SHANK1: variants seen among roughly 807,000 people sequenced by gnomAD.
SHANK1 encodes the protein SH3 and multiple ankyrin repeat domains 1, also known as SH3 and multiple ankyrin repeat domains protein 1.
In SHANK1, 35 loss-of-function variants were observed where a neutral mutation model predicts 165.6. That is an observed-to-expected ratio of 0.21 (90% CI 0.16 to 0.28). The LOEUF (loss-of-function observed/expected upper bound fraction) is 0.28. Ranked by LOEUF, SHANK1 falls within the 10% of genes least tolerant of loss-of-function variation. The pLI is 1.00. For synonymous variants in SHANK1, 1,428 were observed against 1,384.8 expected (o/e 1.03, Z -0.69); for missense variants, 2,681 against 3,036.4 (o/e 0.88, Z 2.75).
chr19:50,701,434 C>T (rs1194626284), intron 12 of SHANK1, among the ~76,000 whole-genome samples: 1 of 151,242 alleles, frequency 6.6e-6, no homozygotes, highest in Admixed American at 6.6e-5. Context: ...CTCAGGTGAT[C>T]CACCCTCCTC....
intron 12 of SHANK1, among the ~76,000 whole-genome samples, chr19:50,698,739 A>G (rs1452803668): frequency 1.3e-5 from 2 of 152,236 alleles, no homozygotes; most frequent in Admixed American, 1.3e-4. Flanking sequence ...TTACAAGGCT[A>G]GTAACTGACA....
At position 50,662,779 on chromosome 19, in the gene SHANK1, A is replaced by G. The variant is rs1985316563; in HGVS notation, c.5769-97T>C. 3.0e-6 allele frequency: 4 copies of G among 1,338,026 alleles called. No homozygotes were observed. Among genetic ancestry groups the G allele is most frequent in the African/African-American group, 1.5e-5 (1 of 66,582 alleles). 82.9% of individuals were successfully genotyped at this position (1,338,026 alleles called of 1,614,324 possible). A position where few individuals can be genotyped will look rare whatever the true frequency, so the allele number is the denominator to read the frequency against. On this transcript the variant is annotated intron_variant, in intron 23 of 23. Coordinates refer to ENST00000293441, the MANE Select transcript of SHANK1 (RefSeq NM_016148.5). The surrounding 1 kb of genome is among the most constrained non-coding windows in gnomAD (Gnocchi z 7.7). ...AGAGGTCAAGATATAGGGAGAGAGG[A>G]GGAGAGACATAAGGGTAGGGGGAGA... is the stretch of plus-strand genomic sequence containing the variant.
At chr19:50,669,840 C>A (rs1985727525) in intron 22 of SHANK1, among the ~76,000 whole-genome samples, 1 of 151,902 alleles carries the variant, frequency 6.6e-6, no homozygotes, top group South Asian at 2.1e-4. Context: ...GTAAGACTCA[C>A]ACTGGTGGAC....
chr19:50,693,108 G>A (rs1420956303), intron 15 of SHANK1, among the ~76,000 whole-genome samples: 1 of 150,664 alleles, frequency 6.6e-6, no homozygotes, highest in Non-Finnish European at 1.5e-5. Context: ...CTGCCCCCTC[G>A]ACTCACTTCA....
chr19:50,702,478 T>C lies in SHANK1; in HGVS notation c.1736A>G (p.Glu579Gly). The C allele has an allele frequency of 6.2e-7, 1 of 1,611,802 alleles. No homozygotes were observed. Among genetic ancestry groups the C allele is most frequent in the Admixed American group, 1.7e-5 (1 of 59,756 alleles). Residue 579 changes from glutamate (E) to glycine (G), a missense_variant, in exon 12 of 24, where the codon GAG becomes GGG. Physicochemically the swap from Glu to Gly is moderately conservative, Grantham distance 98 (BLOSUM62 -2). Coordinates refer to ENST00000293441, the MANE Select transcript of SHANK1 (RefSeq NM_016148.5). This position sits in a 1 kb window ranked among gnomAD's most constrained non-coding sequence, Gnocchi z 5.3. ...AEGEISLSKG[E>G]KIKVLSIGEG... ...TCCACCCTGGGTACCTTTGATCTTC[T>C]CGCCCTTGCTCAGGGAGATCTCCCC...
At chr19:50,689,350 GT>G (rs1271835530) in intron 15 of SHANK1, 71 bp from the exon 16 acceptor site, 1 of 1,174,636 alleles carries the variant, frequency 8.5e-7, no homozygotes, top group East Asian at 2.3e-5. Flanking sequence ...CACAGAGGCT[GT>G]CCCCCACCCG....
chr19:50,692,251 T>C (rs138886152), intron 15 of SHANK1, among the ~76,000 whole-genome samples: 10 of 152,094 alleles, frequency 6.6e-5, no homozygotes, highest in Admixed American at 2.6e-4. Context: ...ACTTATCGAA[T>C]TATTACTGAA....
Position 50,667,744 on chromosome 19 carries a change from G to T in SHANK1, c.4216C>A (p.Arg1406Ser), listed in dbSNP as rs948454017. Residue 1406 changes from arginine to serine, a missense_variant, in exon 23 of 24, where the codon CGT becomes AGT. By Grantham distance (110) the Arg-to-Ser change is moderately radical. This residue lies in a region of SHANK1 where 1,713 missense variants were observed against 1,630.2 expected (regional missense o/e 1.05). Transcript: ENST00000293441. The surrounding 1 kb of genome is among the most constrained non-coding windows in gnomAD (Gnocchi z 5.7). ...TCCGGCGGGGAGGCCCCCCAGAGAC[G>T]CAGCACTGGCTCGTGGTGGGCGTGG... is the stretch of plus-strand genomic sequence containing the variant. ...SPHAHHEPVL[R>S]LWGASPPDPA... 5 of 1,317,828 alleles carry T rather than the reference G, an allele frequency of 3.8e-6. No homozygotes were observed. The highest frequency in any genetic ancestry group is 6.4e-5 in the East Asian group (2 of 31,078). 81.6% of individuals were successfully genotyped at this position (1,317,828 alleles called of 1,614,324 possible).
chr19:50,716,765 G>T lies in SHANK1; in HGVS notation c.155C>A (p.Ala52Asp). ...GQGSGAPGSLASVRGLQGRSM... is the reference protein window; with the variant it reads ...GQGSGAPGSLDSVRGLQGRSM... ...GCGGCCCTGGAGGCCTCTAACAGAG[G>T]CCAGGCTACCAGGTGCCCCACTGCC... is the stretch of plus-strand genomic sequence containing the variant. The change falls in exon 2 of 24, where the codon GCC (alanine) becomes GAC (aspartate). Residue 52 changes from alanine (A) to aspartate (D), a missense_variant. Ala to Asp is a moderately radical substitution (Grantham distance 126, BLOSUM62 -2). Transcript: ENST00000293441. This position sits in a 1 kb window ranked among gnomAD's most constrained non-coding sequence, Gnocchi z 8.4. 3 of 1,608,664 alleles carry T rather than the reference G, an allele frequency of 1.9e-6. No individual in the cohort carries two copies. Among genetic ancestry groups the T allele is most frequent in the Non-Finnish European group, 2.5e-6 (3 of 1,177,508 alleles).
At chr19:50,672,470 C>T (rs1056006084) in intron 21 of SHANK1, among the ~76,000 whole-genome samples, 4 of 146,670 alleles carry the variant, frequency 2.7e-5, no homozygotes, top group African/African-American at 1.1e-4. Flanking sequence ...ATCACTTGAA[C>T]CCATGAGGTG....
chr19:50,686,700 G>T lies in SHANK1; in HGVS notation c.2458+44C>A, dbSNP rs1986349989. 1 of 1,589,088 alleles carries T rather than the reference G, an allele frequency of 6.3e-7. No individual in the cohort carries two copies. The highest frequency in any genetic ancestry group is 1.7e-5 in the Admixed American group (1 of 59,430). The stretch of plus-strand genomic sequence containing the variant: ...GGGACAGGGATGCAGCGGGTGCCGG[G>T]GCTGGGGCCCGGCATCCCGAGGAGC... On this transcript the variant is annotated intron_variant, in intron 20 of 23. Coordinates refer to ENST00000293441, the MANE Select transcript of SHANK1 (RefSeq NM_016148.5). The surrounding 1 kb of genome is among the most constrained non-coding windows in gnomAD (Gnocchi z 5.7).
chr19:50,669,679 T>C (rs1161494697), intron 22 of SHANK1, among the ~76,000 whole-genome samples: 1 of 152,008 alleles, frequency 6.6e-6, no homozygotes, highest in Non-Finnish European at 1.5e-5. Flanking sequence ...TTCACGTATA[T>C]GCGGGAAAGA....
In SHANK1 at chr19:50,717,030, G is replaced by A. The variant is rs879301855; in HGVS notation, c.-43-68C>T. On this transcript the variant is annotated intron_variant, in intron 1 of 23. Transcript: ENST00000293441. This position sits in a 1 kb window ranked among gnomAD's most constrained non-coding sequence, Gnocchi z 5.5. ...CCCTCAGAGGCCGCAGGCGCTATTC[G>A]GTGGTCAAGCGGTCAAGGGCAGCCT... 17 of 1,297,246 alleles carry A rather than the reference G, an allele frequency of 1.3e-5. No homozygotes were observed. The African/African-American group carries it at 1.4e-4, about 10-fold the overall frequency. 80.4% of individuals were successfully genotyped at this position (1,297,246 alleles called of 1,614,324 possible).
chr19:50,669,250 G>A lies in SHANK1; in HGVS notation c.2710C>T (p.Pro904Ser), dbSNP rs767982284. The A allele has an allele frequency of 6.2e-7, 1 of 1,611,870 alleles. No homozygotes were observed. The highest frequency in any genetic ancestry group is 8.5e-7 in the Non-Finnish European group (1 of 1,179,066). The change falls in exon 23 of 24, where the codon CCA becomes TCA. Residue 904 changes from proline (P) to serine (S), a missense_variant. Coordinates refer to ENST00000293441, the MANE Select transcript of SHANK1 (RefSeq NM_016148.5). ...AGGCTGCGGCTGAATTTCATGGCTG[G>A]GGGTGCTAGGTAAGGTCTGTCATCT... Reference protein sequence around the residue: ...AEDDRPYLAPPAMKFSRSLSV... With the variant: ...AEDDRPYLAPSAMKFSRSLSV...
At chr19:50,687,089 G>C in intron 19 of SHANK1, 1 of 1,333,592 alleles carries the variant, frequency 7.5e-7, no homozygotes, top group South Asian at 1.8e-5. Flanking sequence ...GGACGTCAGG[G>C]GAAGGTGAGG....
intron 21 of SHANK1, among the ~76,000 whole-genome samples, chr19:50,685,531 C>T (rs1986304815): frequency 6.6e-6 from 1 of 152,144 alleles, no homozygotes; most frequent in Non-Finnish European, 1.5e-5. Flanking sequence ...TGAGACCAGC[C>T]TGGCCATGAT....
In SHANK1 at chr19:50,704,198, G is replaced by T. The variant is rs2088908133; in HGVS notation, c.1156-12C>A. 1 of 1,613,664 alleles carries T rather than the reference G, an allele frequency of 6.2e-7. No homozygotes were observed. The highest frequency in any genetic ancestry group is 1.1e-5 in the South Asian group (1 of 91,064). Reference sequence around the variant, plus strand: ...GCAATCACTGCCACCTGGAGGGAGGGGGTAGAGGCAGGTCGGCCAGGGGGG... The same window carrying T: ...GCAATCACTGCCACCTGGAGGGAGGTGGTAGAGGCAGGTCGGCCAGGGGGG... On this transcript the variant is annotated splice_polypyrimidine_tract_variant and intron_variant, in intron 9 of 23. Transcript: ENST00000293441.
Position 50,686,310 on chromosome 19 carries a change from G to A in SHANK1, c.2504C>T (p.Ala835Val). 3.7e-6 allele frequency: 6 copies of A among 1,608,584 alleles called. No homozygotes were observed. Among genetic ancestry groups the A allele is most frequent in the Non-Finnish European group, 5.1e-6 (6 of 1,177,128 alleles). The part of the protein sequence containing the change: ...ILAAAQQTIS[A>V]SESPGPGGLA... ...GCCACCGGGACCAGGGCTTTCGCTT[G>A]CACTGATGGTCTGTTGAGCTGCGGC... Residue 835 changes from alanine to valine, a missense_variant, in exon 21 of 24, where the codon GCA becomes GTA. Ala to Val is a moderately conservative substitution (Grantham distance 64). Around this residue, in one of 10 missense-constraint regions of SHANK1, gnomAD observed 206 missense variants for 216.0 expected, o/e 0.95. Transcript: ENST00000293441. This position sits in a 1 kb window ranked among gnomAD's most constrained non-coding sequence, Gnocchi z 5.7.
chr19:50,677,736 G>A (rs1007003958), intron 21 of SHANK1, among the ~76,000 whole-genome samples: 4 of 152,144 alleles, frequency 2.6e-5, no homozygotes, highest in African/African-American at 7.2e-5. Flanking sequence ...CTGTTCCTCT[G>A]AACATCCCCA....
Sources: gnomAD v4.1 joint callset for allele counts (sites outside exome capture counted in the v4.1 genomes callset) on GRCh38, gnomAD v4.1.1 for gene constraint, gnomAD v4.1.1 regional missense constraint, Gnocchi (gnomAD v3.1) non-coding constraint, MANE v1.5 for transcripts, NCBI Gene and HGNC (gene_info 2026-07-23, HGNC 2026-07-21) for gene names.